The following IL5RA variants were observed in gnomAD, a reference collection of about 807,000 sequenced individuals.
The protein encoded by IL5RA is interleukin-5 receptor subunit alpha.
A neutral mutation model predicts 50.0 loss-of-function variants in IL5RA; 49 were observed. The ratio of observed to expected loss-of-function variants is 0.98; its 90% CI spans 0.78 to 1.24. The LOEUF (loss-of-function observed/expected upper bound fraction) is 1.24, where lower values mean the gene tolerates loss of function less well. IL5RA is among the 50% of genes most tolerant of loss of function. The pLI, the probability that IL5RA is intolerant of heterozygous loss-of-function variation, is 0.00. For synonymous variants in IL5RA, 202 were observed against 174.0 expected (o/e 1.16, Z -1.26); for missense variants, 600 against 500.4 (o/e 1.20, Z -1.90).
chr3:3,096,674 G>A (rs980804158), intron 7 of IL5RA, among the ~76,000 whole-genome samples: 5 of 151,756 alleles, frequency 3.3e-5, no homozygotes, highest in Non-Finnish European at 5.9e-5. Context: ...GGTCTTCCTC[G>A]GCATCTTTTA....
chr3:3,071,593 G>A (rs1162943169), intron 11 of IL5RA, among the ~76,000 whole-genome samples: 106 of 91,738 alleles, frequency 1.2e-3, no homozygotes, highest in African/African-American at 4.0e-3. Context: ...GTGTGTGTGT[G>A]TGTATTTTTT....
chr3:3,105,931 G>T lies in IL5RA; in HGVS notation c.-3-944C>A, dbSNP rs1001644815. The stretch of plus-strand genomic sequence containing the variant: ...CTTAACTTTCAAGGGCAAATAACAC[G>T]CATGGCTTCCCCCTGTGTTGTCCTC... On this transcript the variant is annotated intron_variant, in intron 2 of 11. Coordinates refer to ENST00000446632, the MANE Select transcript of IL5RA (RefSeq NM_175726.4). Among the ~76,000 whole-genome samples the T allele has an allele frequency of 4.6e-5, 7 of 152,204 alleles. No individual in the cohort carries two copies. In the South Asian group the frequency reaches 1.2e-3, roughly 27 times the overall value.
intron 9 of IL5RA, among the ~76,000 whole-genome samples, chr3:3,085,156 G>C (rs1702806022): frequency 1.3e-5 from 2 of 152,354 alleles, no homozygotes; most frequent in Admixed American, 1.3e-4. Context: ...AAAGGAAGCA[G>C]TGTGACCAAG....
intron 1 of IL5RA, among the ~76,000 whole-genome samples, chr3:3,109,123 C>T (rs761963822): frequency 4.6e-5 from 7 of 152,032 alleles, no homozygotes; most frequent in African/African-American, 7.2e-5. Context: ...AAAATATTCT[C>T]GCTCTGTCTC....
At chr3:3,100,749 A>G (rs566464843) in intron 5 of IL5RA, among the ~76,000 whole-genome samples, 1 of 152,338 alleles carries the variant, frequency 6.6e-6, no homozygotes, top group African/African-American at 2.4e-5. Flanking sequence ...CGTAAGCCAC[A>G]TACAATAACC....
intron 9 of IL5RA, among the ~76,000 whole-genome samples, chr3:3,076,920 T>G (rs1270711441): frequency 6.6e-6 from 1 of 152,242 alleles, no homozygotes; most frequent in African/African-American, 2.4e-5. Flanking sequence ...TGGCATTCAT[T>G]CCATGTACTG....
Position 3,104,197 on chromosome 3 carries a change from A to C in IL5RA, c.82+706T>G, listed in dbSNP as rs140847060. Among the ~76,000 whole-genome samples the C allele has an allele frequency of 8.7e-4, 132 of 152,260 alleles. 1 individual carries two copies. Among genetic ancestry groups the C allele is most frequent in the African/African-American group, 3.1e-3 (130 of 41,552 alleles). On this transcript the variant is annotated intron_variant, in intron 3 of 11. Coordinates refer to ENST00000446632, the MANE Select transcript of IL5RA (RefSeq NM_175726.4). ...TGAGATTACAGGCATGTGCCACCAC[A>C]CCTGGCTATTTTTGAATTTTTAGTA...
chr3:3,067,004 T>C lies in IL5RA; in HGVS notation c.*3221A>G, dbSNP rs1258482370. On this transcript the variant is annotated 3_prime_UTR_variant, in exon 12 of 12. Transcript: ENST00000446632. ...TCTCTACACTCGTCCTAGTGAGAGA[T>C]GGCAAGAGATGGGAGCCAATATCAT... is the stretch of plus-strand genomic sequence containing the variant. The C allele has an allele frequency of 6.6e-6, 1 of 152,226 alleles. No individual in the cohort carries two copies. The highest frequency in any genetic ancestry group is 1.5e-5 in the Non-Finnish European group (1 of 68,050). The allele number at this position is 152,226 out of a possible 1,614,324, so 9.4% of individuals were successfully genotyped here. A position where few individuals can be genotyped will look rare whatever the true frequency, so the allele number is the denominator to read the frequency against.
At chr3:3,090,702 G>A (rs1703057245) in intron 9 of IL5RA, among the ~76,000 whole-genome samples, 1 of 151,730 alleles carries the variant, frequency 6.6e-6, no homozygotes, top group Non-Finnish European at 1.5e-5. Flanking sequence ...GAGTAGCTGG[G>A]ACTACAGGCG....
intron 8 of IL5RA, among the ~76,000 whole-genome samples, chr3:3,094,718 T>G (rs1027563306): frequency 8.5e-6 from 1 of 117,978 alleles, no homozygotes; most frequent in Non-Finnish European, 2.0e-5. Context: ...TTTTAGTTTT[T>G]TGTTTTTTTG....
intron 7 of IL5RA, among the ~76,000 whole-genome samples, chr3:3,096,011 G>T (rs1409936315): frequency 6.6e-6 from 1 of 152,186 alleles, no homozygotes; most frequent in African/African-American, 2.4e-5. Flanking sequence ...GGGCGTGGGG[G>T]CTCACGCCTG....
chr3:3,098,361 C>T (rs1222851473), intron 5 of IL5RA, 71 bp from the exon 6 acceptor site: 2 of 1,383,176 alleles, frequency 1.4e-6, no homozygotes, highest in Non-Finnish European at 2.0e-6. Flanking sequence ...TCTTTTGGAA[C>T]TATAGTGATG....
At chr3:3,073,168 C>G (rs565339317) in intron 11 of IL5RA, among the ~76,000 whole-genome samples, 8 of 152,184 alleles carry the variant, frequency 5.3e-5, no homozygotes, top group Non-Finnish European at 1.0e-4. Context: ...GTCTATAAAT[C>G]CTTCCAATAC....
Position 3,068,594 on chromosome 3 carries a change from A to AAAAC in IL5RA, c.*1630_*1631insGTTT. The AAAAC allele has an allele frequency of 1.0e-5, 1 of 96,238 alleles. No individual in the cohort carries two copies. Among genetic ancestry groups the AAAAC allele is most frequent in the African/African-American group, 4.0e-5 (1 of 25,196 alleles). 6.0% of individuals were successfully genotyped at this position (96,238 alleles called of 1,614,324 possible). On this transcript the variant is annotated 3_prime_UTR_variant, in exon 12 of 12. Transcript: ENST00000446632. Reference sequence around the variant, plus strand: ...TCTCCACCACCCACCCCACAAAAAAAAAAAAAAAAAAAAACAAAAACAGGT... The same window carrying AAAAC: ...TCTCCACCACCCACCCCACAAAAAAAAAACAAAAAAAAAAAAAACAAAAACAGGT...
rs1703192107 is a variant in IL5RA, at chr3:3,092,930, G to T, written c.856-568C>A. Among the ~76,000 whole-genome samples, 1 of 151,842 alleles carries T rather than the reference G, an allele frequency of 6.6e-6. No homozygotes were observed. The highest frequency in any genetic ancestry group is 6.6e-5 in the Admixed American group (1 of 15,236). Reference sequence around the variant, plus strand: ...AGCCCTGTGACCATTGCCTATTTTAGCTCTTATTATCTTTTGCTTGGACCT... The same window carrying T: ...AGCCCTGTGACCATTGCCTATTTTATCTCTTATTATCTTTTGCTTGGACCT... On this transcript the variant is annotated intron_variant, in intron 8 of 11. Coordinates refer to ENST00000446632, the MANE Select transcript of IL5RA (RefSeq NM_175726.4). This position sits in a 1 kb window ranked among gnomAD's most constrained non-coding sequence, Gnocchi z 4.2.
intron 9 of IL5RA, among the ~76,000 whole-genome samples, chr3:3,078,517 CTTACT>C (rs1702560799): frequency 6.6e-6 from 1 of 152,186 alleles, no homozygotes; most frequent in African/African-American, 2.4e-5. Context: ...CAAATACCTT[CTTACT>C]TTATTTCCCA....
chr3:3,098,441 T>A lies in IL5RA; in HGVS notation c.368-151A>T, dbSNP rs371590407. Reference sequence around the variant, plus strand: ...TTTTTCCCTTGAGACAGAGCCTCACTCTGTCACCCAGGCTGCAGTGCAGTG... The same window carrying A: ...TTTTTCCCTTGAGACAGAGCCTCACACTGTCACCCAGGCTGCAGTGCAGTG... On this transcript the variant is annotated intron_variant, in intron 5 of 11. Coordinates refer to ENST00000446632, the MANE Select transcript of IL5RA (RefSeq NM_175726.4). 58 of 687,508 alleles carry A rather than the reference T, an allele frequency of 8.4e-5. No homozygotes were observed. In the African/African-American group the frequency reaches 9.2e-4, roughly 11 times the overall value. The allele number at this position is 687,508 out of a possible 1,614,324, so 42.6% of individuals were successfully genotyped here. A position where few individuals can be genotyped will look rare whatever the true frequency, so the allele number is the denominator to read the frequency against.
chr3:3,072,529 A>T (rs1702337553), intron 11 of IL5RA, among the ~76,000 whole-genome samples: 1 of 152,256 alleles, frequency 6.6e-6, no homozygotes, highest in Non-Finnish European at 1.5e-5. Context: ...ACTTCGGAAT[A>T]TTAAAGGAAA....
At chr3:3,099,950 G>A (rs1462580967) in intron 5 of IL5RA, among the ~76,000 whole-genome samples, 2 of 152,294 alleles carry the variant, frequency 1.3e-5, no homozygotes, top group East Asian at 1.9e-4. Flanking sequence ...GATTACAGGC[G>A]TGAGCGACCG....
Sources: gnomAD v4.1 joint callset for allele counts (sites outside exome capture counted in the v4.1 genomes callset) on GRCh38, gnomAD v4.1.1 for gene constraint, Gnocchi (gnomAD v3.1) non-coding constraint, MANE v1.5 for transcripts, NCBI Gene and HGNC (gene_info 2026-07-23, HGNC 2026-07-21) for gene names.